Variants in HTT observed in about 807,000 individuals in gnomAD.
HTT encodes huntingtin.
Under a neutral mutation model 362.3 loss-of-function variants are expected in HTT, and 104 were observed. The ratio of observed to expected loss-of-function variants is 0.29; its 90% CI spans 0.24 to 0.34. The LOEUF (loss-of-function observed/expected upper bound fraction) is 0.34. HTT is among the 10% of genes least tolerant of loss of function. The pLI is 1.00. For synonymous variants in HTT, 1,577 were observed against 1,548.7 expected (o/e 1.02, Z -0.43); for missense variants, 3,301 against 3,928.6 (o/e 0.84, Z 4.27).
At chr4:3,212,539 CA>C in intron 48 of HTT, 24 bp from the exon 49 acceptor site, 1 of 1,610,262 alleles carries the variant, frequency 6.2e-7, no homozygotes, top group Non-Finnish European at 8.5e-7. Flanking sequence ...CGTTTGCACC[CA>C]CCCACGAGGT....
intron 29 of HTT, among the ~76,000 whole-genome samples, chr4:3,166,379 G>A (rs542474473): frequency 3.3e-4 from 50 of 152,326 alleles, no homozygotes; most frequent in Admixed American, 2.0e-3. Context: ...TGGGGGTCAG[G>A]GACCCACTTG....
chr4:3,186,766 A>G (rs756018255), intron 38 of HTT, 47 bp downstream of exon 38: 5 of 1,582,360 alleles, frequency 3.2e-6, no homozygotes, highest in Admixed American at 3.4e-5. Flanking sequence ...CGGCTTGTTC[A>G]GGCTCTGATT....
intron 4 of HTT, 86 bp downstream of exon 4, chr4:3,103,969 A>G: frequency 2.6e-6 from 2 of 770,052 alleles, no homozygotes; most frequent in Non-Finnish European, 4.5e-6. Flanking sequence ...GTAAATGTAT[A>G]TATTTATGGG....
At chr4:3,140,474 A>C in intron 21 of HTT, 36 bp from the exon 22 acceptor site, 1 of 1,607,622 alleles carries the variant, frequency 6.2e-7, no homozygotes, top group Non-Finnish European at 8.5e-7. Context: ...AGTTTCATCT[A>C]CTTTCTTAAG....
In HTT at chr4:3,206,478, C is replaced by G. The variant is rs1719858912; in HGVS notation, c.5719-18C>G. Reference sequence around the variant, plus strand: ...CTTGTGTACTTGAAAATGAATCTCTCATCATATTTTTCCTTAGTGTCAGAA... The same window carrying G: ...CTTGTGTACTTGAAAATGAATCTCTGATCATATTTTTCCTTAGTGTCAGAA... On this transcript the variant is annotated intron_variant, in intron 42 of 66. Coordinates refer to ENST00000355072, the MANE Select transcript of HTT (RefSeq NM_001388492.1). The surrounding 1 kb of genome is among the most constrained non-coding windows in gnomAD (Gnocchi z 4.6). 6.2e-7 allele frequency: 1 copy of G among 1,603,858 alleles called. No homozygotes were observed. Among genetic ancestry groups the G allele is most frequent in the Non-Finnish European group, 8.5e-7 (1 of 1,170,992 alleles).
rs1296093493 is a variant in HTT at position 3,204,068 on chromosome 4, T to G, written c.5638T>G (p.Ser1880Ala). Residue 1880 changes from serine to alanine, a missense_variant, in exon 42 of 67, where the codon TCT (serine) becomes GCT (alanine). Transcript: ENST00000355072. ...CCAGATGTCTGGAGAAGAGGAGGAT[T>G]CTGACTTGGCAGCCAAACTTGGAAT... ...SPQMSGEEED[S>A]DLAAKLGMCN... 6.2e-7 allele frequency: 1 copy of G among 1,614,150 alleles called. No individual in the cohort carries two copies. The highest frequency in any genetic ancestry group is 1.1e-5 in the South Asian group (1 of 91,088).
intron 36 of HTT, chr4:3,180,940 G>A (rs1209795305): frequency 3.8e-6 from 1 of 263,170 alleles, no homozygotes; most frequent in Non-Finnish European, 7.1e-6. Flanking sequence ...GTGGTGGCAC[G>A]ATCTTGGCTC....
chr4:3,186,490 C>T (rs1718762361), intron 37 of HTT, 107 bp from the exon 38 acceptor site: 6 of 1,248,048 alleles, frequency 4.8e-6, no homozygotes, highest in South Asian at 4.1e-5. Context: ...GGGAAGGTGA[C>T]GATGAGATGA....
intron 23 of HTT, 113 bp from the exon 24 acceptor site, chr4:3,145,039 C>G: frequency 2.4e-6 from 2 of 826,944 alleles, no homozygotes; most frequent in Non-Finnish European, 4.2e-6. Context: ...TTATCATACA[C>G]AGATCTCAGT....
chr4:3,229,776 A>T (rs1025853558), intron 59 of HTT, 111 bp from the exon 60 acceptor site: 2 of 1,158,838 alleles, frequency 1.7e-6, no homozygotes, highest in Non-Finnish European at 2.6e-6. Flanking sequence ...CCGCACAGTA[A>T]TGTCTCTTGG....
At chr4:3,130,446 G>A (rs527791596) in intron 14 of HTT, 23 bp downstream of exon 14, 5 of 1,306,954 alleles carry the variant, frequency 3.8e-6, no homozygotes, top group Non-Finnish European at 5.4e-6. Context: ...GGCTTGAGAC[G>A]ACTTGGTGTT....
chr4:3,121,473 A>G (rs1715293874), intron 9 of HTT, 41 bp downstream of exon 9: 2 of 1,348,926 alleles, frequency 1.5e-6, no homozygotes, highest in Non-Finnish European at 2.1e-6. Flanking sequence ...TTAACTTTGC[A>G]GTAATACTAG....
At chr4:3,212,755 TG>T in intron 49 of HTT, 46 bp downstream of exon 49, 3 of 1,605,640 alleles carry the variant, frequency 1.9e-6, no homozygotes, top group Non-Finnish European at 2.6e-6. Flanking sequence ...GGAGGGGGCA[TG>T]GGGCTGACAC....
intron 26 of HTT, among the ~76,000 whole-genome samples, chr4:3,153,642 G>T (rs1333161733): frequency 6.6e-6 from 1 of 152,144 alleles, no homozygotes; most frequent in African/African-American, 2.4e-5. Context: ...GCTGCTTTGG[G>T]TTGGGCACGG....
At chr4:3,209,120 T>C (rs909078964) in intron 46 of HTT, among the ~76,000 whole-genome samples, 1 of 151,688 alleles carries the variant, frequency 6.6e-6, no homozygotes, top group South Asian at 2.1e-4. Context: ...TTGGTAGGAG[T>C]GTGGGGTGAG....
At chr4:3,170,355 C>G (rs1717913271) in intron 29 of HTT, among the ~76,000 whole-genome samples, 1 of 152,024 alleles carries the variant, frequency 6.6e-6, no homozygotes, top group Non-Finnish European at 1.5e-5. Flanking sequence ...GCTTAGGAGG[C>G]AAGACCATCC....
At chr4:3,178,566 G>A (rs976288778) in intron 35 of HTT, 120 bp downstream of exon 35, 2 of 801,858 alleles carry the variant, frequency 2.5e-6, no homozygotes, top group Non-Finnish European at 4.1e-6. Context: ...GGCTCTGCAT[G>A]TGTGTCTGTG....
intron 6 of HTT, among the ~76,000 whole-genome samples, chr4:3,111,425 C>T (rs1714743392): frequency 6.6e-6 from 1 of 152,146 alleles, no homozygotes; most frequent in Non-Finnish European, 1.5e-5. Context: ...AACGCCTGAC[C>T]TCAGGTGATC....
At chr4:3,116,305 C>G in intron 8 of HTT, 42 bp downstream of exon 8, 2 of 1,507,588 alleles carry the variant, frequency 1.3e-6, no homozygotes, top group South Asian at 1.1e-5. Flanking sequence ...ATGTGAATGA[C>G]TGACATTCAA....
Sources: gnomAD v4.1 joint callset for allele counts (sites outside exome capture counted in the v4.1 genomes callset) on GRCh38, gnomAD v4.1.1 for gene constraint, Gnocchi (gnomAD v3.1) non-coding constraint, MANE v1.5 for transcripts, NCBI Gene and HGNC (gene_info 2026-07-23, HGNC 2026-07-21) for gene names.